Variants in ATL3 observed in about 807,000 individuals in gnomAD.
The protein encoded by ATL3 is atlastin-3.
ATL3 carries 49 observed loss-of-function variants against 69.5 expected under a neutral mutation model. The observed-to-expected ratio is 0.71, with a 90% confidence interval of 0.56 to 0.89. The LOEUF (loss-of-function observed/expected upper bound fraction) is 0.89. ATL3 is among the 40% of genes least tolerant of loss of function. ATL3 has a pLI of 0.00. For missense variants in ATL3, 606 were observed against 645.7 expected (o/e 0.94, Z 0.67); for synonymous variants, 214 against 224.1 (o/e 0.95, Z 0.40).
intron 3 of ATL3, 89 bp from the exon 4 acceptor site, chr11:63,652,664 C>T: frequency 1.2e-6 from 1 of 850,410 alleles, no homozygotes; most frequent in Non-Finnish European, 1.8e-6. Flanking sequence ...GTAATATATA[C>T]TTAAGTACAG....
At position 63,633,090 on chromosome 11, in the gene ATL3, G is replaced by C. The variant is rs1565268808; in HGVS notation, c.1043C>G (p.Ala348Gly). The C allele has an allele frequency of 1.9e-6, 3 of 1,614,012 alleles. No individual in the cohort carries two copies. Among genetic ancestry groups the C allele is most frequent in the Non-Finnish European group, 2.5e-6 (3 of 1,179,888 alleles). ...PHPKSMLQATAEANNLAAAAS... is the reference protein window; with the variant it reads ...PHPKSMLQATGEANNLAAAAS... ...TGCAGCTGCTAAGTTGTTGGCTTCAGCAGTGGCCTTTTAAGAGAGAAAAAC... is the reference window on the plus strand; with the variant it reads ...TGCAGCTGCTAAGTTGTTGGCTTCACCAGTGGCCTTTTAAGAGAGAAAAAC... The change falls in exon 11 of 13, where the codon GCT (alanine) becomes GGT (glycine). Residue 348 changes from alanine to glycine, a missense_variant. Ala to Gly is a moderately conservative substitution (Grantham distance 60). Coordinates refer to ENST00000398868, the MANE Select transcript of ATL3 (RefSeq NM_015459.5).
In ATL3 at chr11:63,644,219, A is replaced by G; in HGVS notation, c.661T>C (p.Tyr221His). The change falls in exon 7 of 13, where the codon TAT becomes CAT. Residue 221 changes from tyrosine to histidine, a missense_variant. Coordinates refer to ENST00000398868, the MANE Select transcript of ATL3 (RefSeq NM_015459.5). Reference sequence around the variant, plus strand: ...ATTCCTCCTTGGAGTCCATAGCTATATTCATAAGGGAAACTCCAATCTCTA... The same window carrying G: ...ATTCCTCCTTGGAGTCCATAGCTATGTTCATAAGGGAAACTCCAATCTCTA... ...LVRDWSFPYE[Y>H]SYGLQGGMAF... 1.2e-6 allele frequency: 2 copies of G among 1,611,852 alleles called. No homozygotes were observed.
rs944303102 is a variant in ATL3 at position 63,628,026 on chromosome 11, G to A, written c.*1293C>T. ...ACATGAAATTAGACATCAATTAAAC[G>A]CAGTAATATTTGTATCTTCCCTCTA... is the stretch of plus-strand genomic sequence containing the variant. On this transcript the variant is annotated 3_prime_UTR_variant, in exon 13 of 13. Coordinates refer to ENST00000398868, the MANE Select transcript of ATL3 (RefSeq NM_015459.5). 1.1e-4 allele frequency: 17 copies of A among 152,176 alleles called. No individual in the cohort carries two copies. The highest frequency in any genetic ancestry group is 3.6e-4 in the African/African-American group (15 of 41,512). The allele number at this position is 152,176 out of a possible 1,614,324, so 9.4% of individuals were successfully genotyped here.
At position 63,631,065 on chromosome 11, in the gene ATL3, A is replaced by C; in HGVS notation, c.1514T>G (p.Phe505Cys). 6.2e-7 allele frequency: 1 copy of C among 1,613,128 alleles called. No homozygotes were observed. Among genetic ancestry groups the C allele is most frequent in the Non-Finnish European group, 8.5e-7 (1 of 1,179,472 alleles). The change falls in exon 12 of 13, where the codon TTT becomes TGT. Residue 505 changes from phenylalanine to cysteine, a missense_variant. Phe to Cys is a radical substitution (Grantham distance 205). Transcript: ENST00000398868. ...QYRELGGAIDFGAAYVLEQAS... is the reference protein window; with the variant it reads ...QYRELGGAIDCGAAYVLEQAS... Reference sequence around the variant, plus strand: ...CTGCTCCAACACATATGCGGCACCAAAATCAATAGCTCCGCCCAGCTCACG... The same window carrying C: ...CTGCTCCAACACATATGCGGCACCACAATCAATAGCTCCGCCCAGCTCACG...
rs1940353225 is a variant in ATL3 at position 63,659,265 on chromosome 11, A to G, written c.47-13T>C. The G allele has an allele frequency of 6.2e-7, 1 of 1,609,730 alleles. No homozygotes were observed. The highest frequency in any genetic ancestry group is 8.5e-7 in the Non-Finnish European group (1 of 1,176,894). ...TCCATGGCATCATCTATGTTCATGCAGAGAAAAAAAATCAGTGTCAAATAT... is the reference window on the plus strand; with the variant it reads ...TCCATGGCATCATCTATGTTCATGCGGAGAAAAAAAATCAGTGTCAAATAT... On this transcript the variant is annotated splice_polypyrimidine_tract_variant and intron_variant, in intron 1 of 12. Coordinates refer to ENST00000398868, the MANE Select transcript of ATL3 (RefSeq NM_015459.5).
intron 5 of ATL3, chr11:63,650,503 G>A (rs1565277738): frequency 6.6e-6 from 1 of 151,892 alleles, no homozygotes; most frequent in Non-Finnish European, 1.5e-5. Context: ...TCATTCTTAC[G>A]GATTTCCAGG....
intron 8 of ATL3, chr11:63,637,707 G>C (rs1939566156): frequency 6.6e-6 from 1 of 152,152 alleles, no homozygotes; most frequent in Admixed American, 6.5e-5. Context: ...ATCTTCCTGG[G>C]TTCCCAGCTA....
At chr11:63,656,667 G>A (rs1430553932) in intron 3 of ATL3, among the ~76,000 whole-genome samples, 1 of 150,970 alleles carries the variant, frequency 6.6e-6, no homozygotes, top group African/African-American at 2.4e-5. Context: ...CCGGGAGGCA[G>A]AGGTTGAAGT....
At chr11:63,654,986 T>C (rs1286511240) in intron 3 of ATL3, among the ~76,000 whole-genome samples, 2 of 152,154 alleles carry the variant, frequency 1.3e-5, no homozygotes, top group African/African-American at 4.8e-5. Flanking sequence ...ATTTGGGTTA[T>C]ATTTTTCTGC....
intron 11 of ATL3, chr11:63,632,812 T>C: frequency 1.3e-6 from 1 of 751,674 alleles, no homozygotes; most frequent in Non-Finnish European, 2.2e-6. Context: ...CAATAAACTA[T>C]TTGCTATTCA....
intron 1 of ATL3, among the ~76,000 whole-genome samples, chr11:63,662,253 C>A (rs1565283669): frequency 1.3e-5 from 2 of 151,320 alleles, no homozygotes; most frequent in Non-Finnish European, 2.9e-5. Context: ...AAATTCAGAG[C>A]CACTTAGTAG....
chr11:63,666,116 C>T (rs1018418331), intron 1 of ATL3, among the ~76,000 whole-genome samples: 2 of 152,110 alleles, frequency 1.3e-5, no homozygotes, highest in Non-Finnish European at 2.9e-5. Flanking sequence ...AGTATCATCT[C>T]ACTGCAACCT....
intron 1 of ATL3, among the ~76,000 whole-genome samples, chr11:63,668,433 G>A (rs373372381): frequency 6.6e-6 from 1 of 152,160 alleles, no homozygotes; most frequent in Non-Finnish European, 1.5e-5. Context: ...ACTGCAATAC[G>A]CTTAAGGCTG....
At chr11:63,637,130 A>C (rs1939545108) in intron 8 of ATL3, among the ~76,000 whole-genome samples, 1 of 152,050 alleles carries the variant, frequency 6.6e-6, no homozygotes, top group Admixed American at 6.6e-5. Context: ...TACAAAAATT[A>C]GCCGGGGGTG....
chr11:63,635,024 T>C (rs569014739), intron 10 of ATL3, among the ~76,000 whole-genome samples: 2 of 152,080 alleles, frequency 1.3e-5, no homozygotes, highest in African/African-American at 4.8e-5. Flanking sequence ...TAGCCAGGCA[T>C]GGTGGTACAT....
At chr11:63,669,212 T>C (rs1442883260) in intron 1 of ATL3, among the ~76,000 whole-genome samples, 2 of 152,004 alleles carry the variant, frequency 1.3e-5, no homozygotes, top group Non-Finnish European at 2.9e-5. Context: ...AGCTGTGAAA[T>C]ATATCTAAGG....
At chr11:63,671,216 G>T (rs998972074) in intron 1 of ATL3, 74 bp downstream of exon 1, 1 of 1,481,780 alleles carries the variant, frequency 6.7e-7, no homozygotes, top group East Asian at 2.9e-5. Context: ...GCGGGCGGGG[G>T]TTCTTTTCAG....
At chr11:63,636,939 G>A (rs1208212998) in intron 8 of ATL3, among the ~76,000 whole-genome samples, 3 of 152,026 alleles carry the variant, frequency 2.0e-5, no homozygotes, top group Non-Finnish European at 4.4e-5. Flanking sequence ...TTTTCATTCT[G>A]GGATATCTGG....
At chr11:63,637,430 A>G (rs1048798609) in intron 8 of ATL3, among the ~76,000 whole-genome samples, 1 of 152,136 alleles carries the variant, frequency 6.6e-6, no homozygotes, top group Admixed American at 6.5e-5. Flanking sequence ...TAATTTTTTT[A>G]ATGTTAAAAG....
Sources: gnomAD v4.1 joint callset for allele counts (sites outside exome capture counted in the v4.1 genomes callset) on GRCh38, gnomAD v4.1.1 for gene constraint, MANE v1.5 for transcripts, NCBI Gene and HGNC (gene_info 2026-07-23, HGNC 2026-07-21) for gene names.